CASKIN1: variants seen among roughly 807,000 people sequenced by gnomAD.
The protein encoded by CASKIN1 is caskin-1.
A neutral mutation model predicts 117.5 loss-of-function variants in CASKIN1; 42 were observed. That is an observed-to-expected ratio of 0.36 (90% CI 0.28 to 0.46). CASKIN1 has a LOEUF of 0.46. Among genes scored for constraint, CASKIN1 ranks in the 20% least tolerant of loss-of-function variants. The pLI is 1.00. For synonymous variants in CASKIN1, 1,148 were observed against 961.7 expected (o/e 1.19, Z -3.59); for missense variants, 2,083 against 2,077.3 (o/e 1.00, Z -0.05).
At chr16:2,181,964 TG>T in intron 16 of CASKIN1, 35 bp from the exon 17 acceptor site, 1 of 1,608,744 alleles carries the variant, frequency 6.2e-7, no homozygotes. Flanking sequence ...CCACCTGGGC[TG>T]GCTGCCCGCA....
Position 2,177,451 on chromosome 16 carries a change from T to C in CASKIN1, c.*1099A>G, listed in dbSNP as rs1414268536. On this transcript the variant is annotated 3_prime_UTR_variant, in exon 20 of 20. Coordinates refer to ENST00000343516, the MANE Select transcript of CASKIN1 (RefSeq NM_020764.4). ...TTTTTTTTAAGAAACGTCAAAGTTGTGCCCAACACTGTGGATCAGCAAACA... is the reference window on the plus strand; with the variant it reads ...TTTTTTTTAAGAAACGTCAAAGTTGCGCCCAACACTGTGGATCAGCAAACA... 2 of 232,906 alleles carry C rather than the reference T, an allele frequency of 8.6e-6. No individual in the cohort carries two copies. Among genetic ancestry groups the C allele is most frequent in the Non-Finnish European group, 1.7e-5 (2 of 117,854 alleles). The allele number at this position is 232,906 out of a possible 1,614,324, so 14.4% of individuals were successfully genotyped here.
Position 2,180,053 on chromosome 16 carries a change from C to T in CASKIN1, c.3315G>A (p.Lys1105=). ...TGRQRPRGPS[K]GEAGVEGPPL... ...GCGGGCCTTCGACACCCGCCTCGCC[C>T]TTGGAGGGACCCCGAGGCCGCTGCC... Residue 1105 remains lysine, a synonymous_variant, in exon 18 of 20, where the codon AAG becomes AAA. Transcript: ENST00000343516. The T allele has an allele frequency of 6.3e-7, 1 of 1,588,484 alleles. No individual in the cohort carries two copies. The highest frequency in any genetic ancestry group is 8.6e-7 in the Non-Finnish European group (1 of 1,168,058).
rs946567602 is a variant in CASKIN1, at chr16:2,178,143, C to T, written c.*407G>A. 2.0e-5 allele frequency: 10 copies of T among 494,068 alleles called. No individual in the cohort carries two copies. Among genetic ancestry groups the T allele is most frequent in the South Asian group, 3.2e-5 (2 of 61,550 alleles). 30.6% of individuals were successfully genotyped at this position (494,068 alleles called of 1,614,324 possible). A position where few individuals can be genotyped will look rare whatever the true frequency, so the allele number is the denominator to read the frequency against. ...CTTGATAGCTTATATTCTGGGGGTG[C>T]GGTGGGGCAGGGGGGCCCTGACCTT... On this transcript the variant is annotated 3_prime_UTR_variant, in exon 20 of 20. Coordinates refer to ENST00000343516, the MANE Select transcript of CASKIN1 (RefSeq NM_020764.4).
Position 2,181,452 on chromosome 16 carries a change from G to C in CASKIN1, c.1916C>G (p.Pro639Arg). The change falls in exon 18 of 20, where the codon CCC (proline) becomes CGC (arginine). Residue 639 changes from proline to arginine, a missense_variant. By Grantham distance (103) the Pro-to-Arg change is moderately radical. Transcript: ENST00000343516. Reference protein sequence around the residue: ...MAIESPPPPEPTPADCQSPKM... With the variant: ...MAIESPPPPERTPADCQSPKM... ...AGGGGACTGGCAGTCGGCCGGTGTGGGCTCAGGCGGGGGCGGCGACTCGAT... is the reference window on the plus strand; with the variant it reads ...AGGGGACTGGCAGTCGGCCGGTGTGCGCTCAGGCGGGGGCGGCGACTCGAT... 1.2e-6 allele frequency: 2 copies of C among 1,612,258 alleles called. No individual in the cohort carries two copies. The highest frequency in any genetic ancestry group is 1.7e-6 in the Non-Finnish European group (2 of 1,179,854).
intron 19 of CASKIN1, 38 bp downstream of exon 19, chr16:2,178,864 C>G: frequency 7.3e-7 from 1 of 1,366,440 alleles, no homozygotes; most frequent in Admixed American, 3.7e-5. Flanking sequence ...CTCTGCCGAG[C>G]CCCGCCCTCC....
In CASKIN1 at chr16:2,196,331, G is replaced by C; in HGVS notation, c.94+8C>G. ...CTCCCACCCGCGCCCCGCGCCCCCG[G>C]CACTCACTGGCCTTCCCGGGCCGCG... On this transcript the variant is annotated splice_region_variant and intron_variant, in intron 1 of 19. Transcript: ENST00000343516. The surrounding 1 kb of genome is among the most constrained non-coding windows in gnomAD (Gnocchi z 5.7). The C allele has an allele frequency of 8.1e-7, 1 of 1,235,666 alleles. No homozygotes were observed. The highest frequency in any genetic ancestry group is 1.0e-6 in the Non-Finnish European group (1 of 978,834). The allele number at this position is 1,235,666 out of a possible 1,614,324, so 76.5% of individuals were successfully genotyped here.
intron 14 of CASKIN1, 133 bp from the exon 15 acceptor site, chr16:2,184,074 G>A: frequency 1.7e-6 from 1 of 592,920 alleles, no homozygotes; most frequent in Non-Finnish European, 2.9e-6. Context: ...TCTGCAGCAG[G>A]CCCCGGTGAG....
chr16:2,178,712 G>A (rs1295865122), intron 19 of CASKIN1, 66 bp from the exon 20 acceptor site: 2 of 1,443,178 alleles, frequency 1.4e-6, no homozygotes, highest in African/African-American at 1.5e-5. Flanking sequence ...CCCCGACCAG[G>A]ACACGCCCAC....
intron 19 of CASKIN1, 110 bp downstream of exon 19, chr16:2,178,792 A>T (rs2093154598): frequency 1.7e-6 from 2 of 1,189,026 alleles, no homozygotes; most frequent in Non-Finnish European, 2.1e-6. Context: ...CGGCACGCCC[A>T]TCTCTGCCGA....
intron 1 of CASKIN1, among the ~76,000 whole-genome samples, chr16:2,191,238 G>A (rs1596694094): frequency 6.6e-6 from 1 of 152,206 alleles, no homozygotes; most frequent in African/African-American, 2.4e-5. Flanking sequence ...ACAGGGTGGG[G>A]GCAGGAGCTG....
In CASKIN1 at chr16:2,179,781, G is replaced by C. The variant is rs752147441; in HGVS notation, c.3587C>G (p.Pro1196Arg). The C allele has an allele frequency of 5.1e-6, 8 of 1,568,960 alleles. No individual in the cohort carries two copies. The highest frequency in any genetic ancestry group is 6.9e-6 in the Non-Finnish European group (8 of 1,161,654). Residue 1196 changes from proline to arginine, a missense_variant, in exon 18 of 20, where the codon CCG becomes CGG. Physicochemically the swap from Pro to Arg is moderately radical, Grantham distance 103 (BLOSUM62 -2). Around this residue, in one of 3 missense-constraint regions of CASKIN1, gnomAD observed 1,818 missense variants for 1,688.9 expected, o/e 1.08. Coordinates refer to ENST00000343516, the MANE Select transcript of CASKIN1 (RefSeq NM_020764.4). The surrounding 1 kb of genome is among the most constrained non-coding windows in gnomAD (Gnocchi z 5.8). ...GTCGGTGGGCGGGGGTTCGGCAGGCGGGGGCGGTGGAGGCAGCTCCGGAGG... is the reference window on the plus strand; with the variant it reads ...GTCGGTGGGCGGGGGTTCGGCAGGCCGGGGCGGTGGAGGCAGCTCCGGAGG... ...AGPPELPPPP[P>R]PAEPPPTDLA...
rs1423737283 is a variant in CASKIN1, at chr16:2,196,510, C to T, written c.-78G>A. On this transcript the variant is annotated 5_prime_UTR_variant, in exon 1 of 20. It adds an upstream start codon to the 5' untranslated region. Transcript: ENST00000343516. This position sits in a 1 kb window ranked among gnomAD's most constrained non-coding sequence, Gnocchi z 5.7. ...CAGAGGCGGCGGCGGCCCCGCGGCA[C>T]CGGCCGCCTCCCCCGCCGCCTCCCC... 15 of 613,008 alleles carry T rather than the reference C, an allele frequency of 2.4e-5. No individual in the cohort carries two copies. The highest frequency in any genetic ancestry group is 6.3e-5 in the Admixed American group (1 of 15,936). The allele number at this position is 613,008 out of a possible 1,614,324, so 38.0% of individuals were successfully genotyped here.
At chr16:2,189,777 G>A (rs554964049) in intron 3 of CASKIN1, among the ~76,000 whole-genome samples, 3 of 150,828 alleles carry the variant, frequency 2.0e-5, no homozygotes, top group African/African-American at 7.3e-5. Context: ...AACCCTGGGA[G>A]GTGGGAATGC....
chr16:2,186,425 TGC>T (rs2093184733), intron 10 of CASKIN1, among the ~76,000 whole-genome samples: 1 of 152,160 alleles, frequency 6.6e-6, no homozygotes, highest in South Asian at 2.1e-4. Flanking sequence ...TGCCCTCTCC[TGC>T]CCCAGGACGA....
Position 2,196,424 on chromosome 16 carries a change from CT to C in CASKIN1, c.8del (p.Lys3ArgfsTer9). On this transcript the variant is annotated frameshift_variant, in exon 1 of 20. Transcript: ENST00000343516. LOFTEE classifies it high-confidence loss of function. The surrounding 1 kb of genome is among the most constrained non-coding windows in gnomAD (Gnocchi z 5.7). MG[K>X]EQELVQAVKA... ...TCACCGCCTGCACCAGCTCCTGCTC[CT>C]TCCCCATGGCGCGGCCGGGGCCGCA... 3.8e-6 allele frequency: 5 copies of C among 1,313,674 alleles called. No homozygotes were observed. The South Asian group carries it at 4.8e-5, about 13-fold the overall frequency. The allele number at this position is 1,313,674 out of a possible 1,614,324, so 81.4% of individuals were successfully genotyped here.
At position 2,193,960 on chromosome 16, in the gene CASKIN1, T is replaced by C. The variant is rs115929123; in HGVS notation, c.94+2379A>G. On this transcript the variant is annotated intron_variant, in intron 1 of 19. Transcript: ENST00000343516. Reference sequence around the variant, plus strand: ...GGATGAAGCAGGAGCAGAGCATGGCTGGAGGGGGCCGGGGCCAGGATGAAA... The same window carrying C: ...GGATGAAGCAGGAGCAGAGCATGGCCGGAGGGGGCCGGGGCCAGGATGAAA... Among the ~76,000 whole-genome samples the C allele has an allele frequency of 6.9e-3, 1,056 of 152,236 alleles. 11 individuals are homozygous for C. The highest frequency in any genetic ancestry group is 0.024 in the African/African-American group (992 of 41,538).
At chr16:2,194,423 T>C (rs1033178695) in intron 1 of CASKIN1, among the ~76,000 whole-genome samples, 11 of 151,846 alleles carry the variant, frequency 7.2e-5, no homozygotes, top group Admixed American at 2.0e-4. Context: ...TGGCTGAGCC[T>C]GGGGTGACTC....
chr16:2,188,047 CTTTT>C (rs34355622), intron 6 of CASKIN1, among the ~76,000 whole-genome samples: 2 of 135,932 alleles, frequency 1.5e-5, no homozygotes, highest in East Asian at 2.1e-4. Context: ...CCATTCCCAG[CTTTT>C]TTTTTTTTTT....
intron 3 of CASKIN1, 62 bp from the exon 4 acceptor site, chr16:2,189,626 G>A (rs1462622838): frequency 3.3e-6 from 5 of 1,521,634 alleles, no homozygotes; most frequent in Non-Finnish European, 4.4e-6. Flanking sequence ...TGGAGGATAG[G>A]GGGGTGCTGG....
Sources: allele counts gnomAD v4.1 joint callset (sites outside exome capture counted in the v4.1 genomes callset), GRCh38; gene constraint gnomAD v4.1.1; regional missense constraint gnomAD v4.1.1; non-coding constraint Gnocchi (gnomAD v3.1); transcripts MANE v1.5; gene names NCBI Gene and HGNC (gene_info 2026-07-23, HGNC 2026-07-21).